DHX8: variants seen among roughly 807,000 people sequenced by gnomAD.
DHX8 encodes ATP-dependent RNA helicase DHX8.
DHX8 carries 67 observed loss-of-function variants against 140.7 expected under a neutral mutation model. The observed-to-expected ratio is 0.48, with a 90% confidence interval of 0.39 to 0.58. The LOEUF is 0.58. DHX8 is among the 20% of genes least tolerant of loss of function. DHX8 has a pLI of 0.00. For missense variants in DHX8, 887 were observed against 1,550.7 expected (o/e 0.57, Z 7.19); for synonymous variants, 533 against 553.2 (o/e 0.96, Z 0.51).
At chr17:43,495,666 T>C (rs1439362106) in intron 8 of DHX8, among the ~76,000 whole-genome samples, 2 of 152,094 alleles carry the variant, frequency 1.3e-5, no homozygotes, top group Non-Finnish European at 2.9e-5. Flanking sequence ...TTTGAGCTTA[T>C]ACTTTACAGC....
chr17:43,501,516 T>C (rs569650897), intron 11 of DHX8, among the ~76,000 whole-genome samples: 3 of 152,242 alleles, frequency 2.0e-5, no homozygotes, highest in African/African-American at 7.2e-5. Context: ...AGAGTTTTGC[T>C]CTTGTTGCCT....
chr17:43,530,051 G>GC, downstream of DHX8: 1 of 1,610,666 alleles, frequency 6.2e-7, no homozygotes, highest in African/African-American at 1.3e-5. Flanking sequence ...CTCCCCCATG[G>GC]CAGCGCTCCC....
At chr17:43,525,792 A>T, downstream of DHX8, 1 of 985,020 alleles carries the variant, frequency 1.0e-6, no homozygotes, top group Non-Finnish European at 1.2e-6. Flanking sequence ...TCCAGCCTAA[A>T]TTTTCCCCAT....
intron 17 of DHX8, among the ~76,000 whole-genome samples, chr17:43,515,918 A>C (rs1481324236): frequency 6.6e-6 from 1 of 152,152 alleles, no homozygotes; most frequent in African/African-American, 2.4e-5. Context: ...TTGTCAGAAA[A>C]TGGCCCTCTT....
chr17:43,486,753 C>A (rs753516340), intron 1 of DHX8, among the ~76,000 whole-genome samples: 1 of 151,672 alleles, frequency 6.6e-6, no homozygotes, highest in East Asian at 1.9e-4. Flanking sequence ...TGGTGCACGC[C>A]TGTAATCCTA....
At position 43,522,183 on chromosome 17, in the gene DHX8, TATATCC is replaced by T; in HGVS notation, c.3403_3408del (p.Ile1135_His1136del). The T allele has an allele frequency of 6.2e-7, 1 of 1,614,072 alleles. No homozygotes were observed. On this transcript the variant is annotated inframe_deletion, in exon 22 of 23. Transcript: ENST00000262415. Reference sequence around the variant, plus strand: ...GACACTGATCGACCAGCAGGTGGTCTATATCCATCCTTCCAGTGCCCTCTTCAACAG... The same window carrying T: ...GACACTGATCGACCAGCAGGTGGTCTATCCTTCCAGTGCCCTCTTCAACAG...
intron 11 of DHX8, among the ~76,000 whole-genome samples, chr17:43,503,159 T>A (rs1454942965): frequency 1.3e-5 from 2 of 151,706 alleles, no homozygotes; most frequent in South Asian, 4.2e-4. Flanking sequence ...GTTGGGGAAT[T>A]TGAAACCAAG....
downstream of DHX8, chr17:43,526,112 C>T (rs1015582720): frequency 8.1e-6 from 8 of 985,218 alleles, no homozygotes; most frequent in African/African-American, 1.4e-4. Flanking sequence ...AGCAGCTGAG[C>T]TGAGCCTGCT....
At chr17:43,508,618 CT>C (rs369283745) in intron 16 of DHX8, 98 bp downstream of exon 16, 119,986 of 515,576 alleles carry the variant, frequency 0.23, 1 homozygote, top group Middle Eastern at 0.28. Flanking sequence ...GTATGCAAGT[CT>C]TTTTTTTTTT....
At chr17:43,486,902 A>G (rs1042909144) in intron 1 of DHX8, among the ~76,000 whole-genome samples, 10 of 150,708 alleles carry the variant, frequency 6.6e-5, no homozygotes, top group African/African-American at 9.7e-5. Flanking sequence ...AAGATTACTG[A>G]TGGCTGGCAG....
intron 17 of DHX8, among the ~76,000 whole-genome samples, chr17:43,516,117 A>C (rs574668297): frequency 6.6e-6 from 1 of 151,468 alleles, no homozygotes; most frequent in East Asian, 1.9e-4. Flanking sequence ...TTTCATGTTT[A>C]TTTCTTTCAT....
In DHX8 at chr17:43,524,002, T is replaced by C. The variant is rs570013268; in HGVS notation, c.*155T>C. 5.7e-5 allele frequency: 83 copies of C among 1,444,300 alleles called. No individual in the cohort carries two copies. In the African/African-American group the frequency reaches 1.1e-3, roughly 19 times the overall value. The allele number at this position is 1,444,300 out of a possible 1,614,324, so 89.5% of individuals were successfully genotyped here. A position where few individuals can be genotyped will look rare whatever the true frequency, so the allele number is the denominator to read the frequency against. ...TCTCATTTCTTCCCTGCTGGTAAAATAGAAACAGGGATTTAAACCTGGCTT... is the reference window on the plus strand; with the variant it reads ...TCTCATTTCTTCCCTGCTGGTAAAACAGAAACAGGGATTTAAACCTGGCTT... On this transcript the variant is annotated 3_prime_UTR_variant, in exon 23 of 23. Transcript: ENST00000262415.
chr17:43,532,221 C>T (rs1970977758), intron 2 of DHX8, among the ~76,000 whole-genome samples: 2 of 152,110 alleles, frequency 1.3e-5, no homozygotes, highest in Admixed American at 6.6e-5. Context: ...ATAATTTGTC[C>T]GGGTGAGGTG....
chr17:43,500,790 A>T (rs2154586549), intron 11 of DHX8, among the ~76,000 whole-genome samples: 1 of 152,104 alleles, frequency 6.6e-6, no homozygotes, highest in Middle Eastern at 3.4e-3. Context: ...GCGCGCCTGT[A>T]GTCCCAGCTA....
chr17:43,492,631 A>G, intron 5 of DHX8, 50 bp from the exon 6 acceptor site: 2 of 1,132,196 alleles, frequency 1.8e-6, no homozygotes, highest in Non-Finnish European at 2.6e-6. Context: ...GGATGCGAAG[A>G]TGAAATCGGA....
chr17:43,490,351 A>G (rs756549598), intron 2 of DHX8, 40 bp from the exon 3 acceptor site: 12 of 1,527,640 alleles, frequency 7.9e-6, no homozygotes, highest in East Asian at 2.2e-5. Context: ...AAGCACTGAT[A>G]TGGGAGCTGA....
chr17:43,493,985 C>A (rs1968695978), intron 8 of DHX8, 99 bp downstream of exon 8: 3 of 1,227,334 alleles, frequency 2.4e-6, no homozygotes, highest in African/African-American at 1.5e-5. Flanking sequence ...TAACTTTTGG[C>A]CACTGTATTA....
At chr17:43,509,825 C>G (rs1006717178) in intron 16 of DHX8, among the ~76,000 whole-genome samples, 4 of 151,982 alleles carry the variant, frequency 2.6e-5, no homozygotes, top group Non-Finnish European at 4.4e-5. Flanking sequence ...CCCACTACCA[C>G]GCCTGGCTTA....
downstream of DHX8, chr17:43,528,650 C>T (rs764982452): frequency 6.2e-7 from 1 of 1,614,024 alleles, no homozygotes; most frequent in African/African-American, 1.3e-5. Context: ...TCAAACTCAG[C>T]CTTGAGAGCT....
Sources: allele counts gnomAD v4.1 joint callset (sites outside exome capture counted in the v4.1 genomes callset), GRCh38; gene constraint gnomAD v4.1.1; transcripts MANE v1.5; gene names NCBI Gene and HGNC (gene_info 2026-07-23, HGNC 2026-07-21).